ZNF532: variants seen among roughly 807,000 people sequenced by gnomAD.
ZNF532 encodes zinc finger protein 532.
In ZNF532, 22 loss-of-function variants were observed where a neutral mutation model predicts 89.3. The ratio of observed to expected loss-of-function variants is 0.25; its 90% CI spans 0.18 to 0.35. The LOEUF (loss-of-function observed/expected upper bound fraction) is 0.35, where lower values mean the gene tolerates loss of function less well. Ranked by LOEUF, ZNF532 falls within the 10% of genes least tolerant of loss-of-function variation. The probability of loss-of-function intolerance (pLI) is 1.00; values close to 1 mark genes in which losing one functional copy is unlikely to be tolerated. For synonymous variants in ZNF532, 606 were observed against 649.6 expected (o/e 0.93, Z 1.02); for missense variants, 1,132 against 1,643.4 (o/e 0.69, Z 5.38).
chr18:58,942,460 A>C (rs529134691), intron 5 of ZNF532, among the ~76,000 whole-genome samples: 12 of 151,550 alleles, frequency 7.9e-5, no homozygotes, highest in Non-Finnish European at 1.2e-4. Flanking sequence ...AAATGAAACA[A>C]ATTTGTAGAA....
chr18:58,867,105 A>C (rs2056538124), intron 2 of ZNF532, among the ~76,000 whole-genome samples: 4 of 152,270 alleles, frequency 2.6e-5, no homozygotes, highest in African/African-American at 9.6e-5. Context: ...ATAAACCTTA[A>C]TTAGCTTAAT....
At chr18:58,935,114 TCC>T (rs2062279052) in intron 4 of ZNF532, among the ~76,000 whole-genome samples, 2 of 50,408 alleles carry the variant, frequency 4.0e-5, no homozygotes, top group Non-Finnish European at 7.5e-5. Flanking sequence ...TCCTCCCCAC[TCC>T]TCCTCCTCCC....
chr18:58,948,277 A>G (rs1421871024), intron 6 of ZNF532, 48 bp downstream of exon 6: 3 of 1,547,044 alleles, frequency 1.9e-6, no homozygotes, highest in East Asian at 2.3e-5. Flanking sequence ...AGATCCATTC[A>G]TTGGTCATAA....
intron 9 of ZNF532, among the ~76,000 whole-genome samples, chr18:58,983,690 T>TCTAA (rs2147786511): frequency 6.6e-6 from 1 of 152,126 alleles, no homozygotes; most frequent in Non-Finnish European, 1.5e-5. Flanking sequence ...TTTCTGTTCA[T>TCTAA]CTAACTCCGC....
intron 2 of ZNF532, 31 bp from the exon 3 acceptor site, chr18:58,918,240 C>A: frequency 6.4e-7 from 1 of 1,568,258 alleles, no homozygotes; most frequent in Non-Finnish European, 8.7e-7. Flanking sequence ...ATACCAATTA[C>A]TGATGGAACT....
rs376583852 is a variant in ZNF532, at chr18:58,962,145, A to G, written c.3150+8346A>G. 3.4e-4 allele frequency among the ~76,000 whole-genome samples: 51 copies of G among 152,104 alleles called. 1 individual carries two copies. The East Asian group carries it at 8.3e-3, about 25-fold the overall frequency. On this transcript the variant is annotated intron_variant, in intron 7 of 9. Coordinates refer to ENST00000591808, the MANE Select transcript of ZNF532 (RefSeq NM_001375912.1). ...GGAGGCTGAGGCAGGAGAATTGTTT[A>G]AACCCGGGAGGTGAAGGTTGCGGTG...
intron 2 of ZNF532, among the ~76,000 whole-genome samples, chr18:58,904,218 G>A (rs1435129592): frequency 1.3e-5 from 2 of 152,066 alleles, no homozygotes; most frequent in Non-Finnish European, 2.9e-5. Flanking sequence ...AGGTGTGGTG[G>A]TGTGCACCTG....
At chr18:58,942,043 C>G (rs911732814) in intron 5 of ZNF532, among the ~76,000 whole-genome samples, 10 of 145,622 alleles carry the variant, frequency 6.9e-5, no homozygotes, top group East Asian at 4.3e-4. Context: ...CCCCGCCCCC[C>G]CCTCAGTCTC....
At chr18:58,952,161 C>T (rs2064272040) in intron 6 of ZNF532, among the ~76,000 whole-genome samples, 1 of 152,174 alleles carries the variant, frequency 6.6e-6, no homozygotes, top group Admixed American at 6.5e-5. Context: ...CTTTCTTAAA[C>T]ATCCAAGAAG....
rs2066833517 is a variant in ZNF532, at chr18:58,974,603, CAT to C, written c.3151-4451_3151-4450del. Among the ~76,000 whole-genome samples the C allele has an allele frequency of 3.3e-5, 5 of 152,240 alleles. No individual in the cohort carries two copies. The South Asian group carries it at 1.0e-3, about 32-fold the overall frequency. On this transcript the variant is annotated intron_variant, in intron 7 of 9. Transcript: ENST00000591808. ...TTTCATGTTTGCTTATGTGTGATTT[CAT>C]CCCTGAGAAATACCAAGTGACTACA...
chr18:58,949,999 A>C (rs1309033446), intron 6 of ZNF532, among the ~76,000 whole-genome samples: 1 of 152,226 alleles, frequency 6.6e-6, no homozygotes, highest in East Asian at 1.9e-4. Flanking sequence ...AAATTACATA[A>C]TTATTTTGAC....
chr18:58,866,415 T>G (rs73959531), intron 2 of ZNF532, among the ~76,000 whole-genome samples: 4,900 of 152,250 alleles, frequency 0.032, 267 homozygotes, highest in African/African-American at 0.11. Flanking sequence ...ACACTCAACA[T>G]TTTGCCTTGG....
rs757777454 is a variant in ZNF532 at position 58,947,701 on chromosome 18, C to T, written c.2706-366C>T. Among the ~76,000 whole-genome samples the T allele has an allele frequency of 2.7e-4, 41 of 150,612 alleles. 1 individual carries two copies. The highest frequency in any genetic ancestry group is 5.0e-4 in the Non-Finnish European group (34 of 67,798). On this transcript the variant is annotated intron_variant, in intron 5 of 9. Coordinates refer to ENST00000591808, the MANE Select transcript of ZNF532 (RefSeq NM_001375912.1). ...TTCCAAGTTAGGGTATCATCATTGC[C>T]TTGTCTGATCTTAAAAAAAAAAATC... is the stretch of plus-strand genomic sequence containing the variant.
chr18:58,870,793 T>C (rs537349588), intron 2 of ZNF532, among the ~76,000 whole-genome samples: 1 of 152,188 alleles, frequency 6.6e-6, no homozygotes, highest in East Asian at 1.9e-4. Context: ...AGGCTGCTTC[T>C]TAGGTGGCTG....
intron 3 of ZNF532, among the ~76,000 whole-genome samples, chr18:58,923,790 A>G (rs2061317364): frequency 6.6e-6 from 1 of 152,158 alleles, no homozygotes; most frequent in Admixed American, 6.5e-5. Flanking sequence ...AAATCTAGAA[A>G]TGGACACGGG....
At chr18:58,974,624 G>A (rs2066835481) in intron 7 of ZNF532, among the ~76,000 whole-genome samples, 1 of 152,202 alleles carries the variant, frequency 6.6e-6, no homozygotes, top group Non-Finnish European at 1.5e-5. Flanking sequence ...AATACCAAGT[G>A]ACTACAGAAT....
At chr18:58,922,849 G>A (rs2061225548) in intron 3 of ZNF532, among the ~76,000 whole-genome samples, 1 of 152,196 alleles carries the variant, frequency 6.6e-6, no homozygotes, top group Non-Finnish European at 1.5e-5. Context: ...CTGAGAGCAA[G>A]GAAGGGCATG....
At chr18:58,925,114 T>C (rs1016975364) in intron 3 of ZNF532, among the ~76,000 whole-genome samples, 3 of 152,214 alleles carry the variant, frequency 2.0e-5, no homozygotes. Flanking sequence ...TAAGTTTTTA[T>C]TTCTCTGGGA....
chr18:58,939,269 A>G (rs1233682704), intron 4 of ZNF532, among the ~76,000 whole-genome samples, 176 bp from the exon 5 acceptor site: 1 of 146,924 alleles, frequency 6.8e-6, no homozygotes, highest in East Asian at 2.4e-4. Flanking sequence ...AAAAAAAAAA[A>G]AAAAAACCCA....
Sources: gnomAD v4.1 joint callset for allele counts (sites outside exome capture counted in the v4.1 genomes callset) on GRCh38, gnomAD v4.1.1 for gene constraint, MANE v1.5 for transcripts, NCBI Gene and HGNC (gene_info 2026-07-23, HGNC 2026-07-21) for gene names.